The following RSF1 variants were observed in gnomAD, a reference collection of about 807,000 sequenced individuals.
The protein encoded by RSF1 is HBV pX-associated protein 8.
RSF1 carries 13 observed loss-of-function variants against 145.2 expected under a neutral mutation model. The observed-to-expected ratio is 0.09, with a 90% CI of 0.06 to 0.14. RSF1 has a LOEUF of 0.14. Ranked by LOEUF, RSF1 falls within the 10% of genes least tolerant of loss-of-function variation. RSF1 has a pLI of 1.00. For synonymous variants in RSF1, 577 were observed against 592.6 expected (o/e 0.97, Z 0.38); for missense variants, 1,517 against 1,718.2 (o/e 0.88, Z 2.07).
At chr11:77,868,357 C>CT in the RSF1 span, among the ~76,000 whole-genome samples, 13,382 of 116,764 alleles carry the variant, frequency 0.11, 1,230 homozygotes, top group African/African-American at 0.17. Context: ...GCCCAGCCGC[C>CT]TTTTTTTTTT....
chr11:77,676,584 C>A (rs1329274303), intron 13 of RSF1, among the ~76,000 whole-genome samples: 2 of 152,206 alleles, frequency 1.3e-5, no homozygotes, highest in Admixed American at 1.3e-4. Context: ...GAATGTTAAA[C>A]AACCATAAAT....
chr11:77,866,781 A>G, the RSF1 span: 1 of 152,250 alleles, frequency 6.6e-6, no homozygotes, highest in Non-Finnish European at 1.5e-5. Context: ...TATGTAAGAC[A>G]TTATTATTAC....
chr11:77,738,100 G>A (rs1242344867), intron 4 of RSF1, among the ~76,000 whole-genome samples: 1 of 152,208 alleles, frequency 6.6e-6, no homozygotes, highest in Admixed American at 6.5e-5. Context: ...CTGCACTCCC[G>A]CCTGGGCGAC....
the RSF1 span, chr11:77,841,030 G>A: frequency 1.8e-6 from 1 of 567,764 alleles, no homozygotes; most frequent in Non-Finnish European, 3.1e-6. Flanking sequence ...TCTGGAGGCT[G>A]GGAAGTCCAA....
intron 1 of RSF1, among the ~76,000 whole-genome samples, chr11:77,801,310 C>A (rs1202206646): frequency 1.3e-5 from 2 of 152,158 alleles, no homozygotes; most frequent in Middle Eastern, 3.2e-3. Context: ...TGCCTGTAGT[C>A]CCAGCTACTC....
the RSF1 span, chr11:77,868,972 A>G: frequency 7.0e-6 from 2 of 287,556 alleles, no homozygotes; most frequent in Non-Finnish European, 1.3e-5. Context: ...GTTTACAACA[A>G]TGCCAACAGC....
At chr11:77,771,218 C>T (rs910568540) in intron 1 of RSF1, among the ~76,000 whole-genome samples, 2 of 152,180 alleles carry the variant, frequency 1.3e-5, no homozygotes, top group African/African-American at 4.8e-5. Flanking sequence ...AATTTCAAAT[C>T]TAGTGAAAAG....
chr11:77,695,550 G>T (rs1221321255), intron 7 of RSF1, among the ~76,000 whole-genome samples: 1 of 152,002 alleles, frequency 6.6e-6, no homozygotes, highest in East Asian at 1.9e-4. Flanking sequence ...AGCTCTTTCA[G>T]GTTGTCTCCT....
In RSF1 at chr11:77,667,253, C is replaced by G. The variant is rs141449088; in HGVS notation, c.3990G>C (p.Leu1330=). The change falls in exon 16 of 16, where the codon CTG becomes CTC. Residue 1330 remains leucine, a synonymous_variant. Transcript: ENST00000308488. Reference sequence around the variant, plus strand: ...TCTTGGTGCTCTCTTGTTCTGAGGGCAGGACCCTAGGCTGGCTGTCACGGG... The same window carrying G: ...TCTTGGTGCTCTCTTGTTCTGAGGGGAGGACCCTAGGCTGGCTGTCACGGG... ...QPARDSQPRV[L]PSEQESTKKP... is the part of the protein sequence containing the mutation. 1.4e-4 allele frequency: 227 copies of G among 1,614,186 alleles called. No homozygotes were observed. In the African/African-American group the frequency reaches 2.9e-3, roughly 20 times the overall value.
At chr11:77,747,549 C>T (rs927772568) in intron 2 of RSF1, among the ~76,000 whole-genome samples, 1 of 152,224 alleles carries the variant, frequency 6.6e-6, no homozygotes, top group African/African-American at 2.4e-5. Context: ...CCACGCCTCT[C>T]TTGAACTCAT....
intron 1 of RSF1, among the ~76,000 whole-genome samples, chr11:77,784,952 A>G (rs1948440061): frequency 6.6e-6 from 1 of 152,250 alleles, no homozygotes; most frequent in Non-Finnish European, 1.5e-5. Context: ...TGTCTTCTGC[A>G]TAGCCCTCTT....
intron 1 of RSF1, among the ~76,000 whole-genome samples, chr11:77,798,529 C>T (rs774446739): frequency 4.1e-5 from 5 of 122,722 alleles, no homozygotes; most frequent in African/African-American, 1.2e-4. Context: ...TGCAGTGAGC[C>T]GAGATCATGC....
intron 1 of RSF1, among the ~76,000 whole-genome samples, chr11:77,811,194 T>C (rs1948727311): frequency 1.3e-5 from 2 of 152,186 alleles, no homozygotes; most frequent in African/African-American, 4.8e-5. Flanking sequence ...TTTACAAAGA[T>C]AGAGAGGACA....
intron 14 of RSF1, 43 bp from the exon 15 acceptor site, chr11:77,672,273 A>G: frequency 6.7e-7 from 1 of 1,486,360 alleles, no homozygotes; most frequent in South Asian, 1.3e-5. Context: ...ATTTAAGTCT[A>G]TTTAGAAATG....
At chr11:77,728,158 T>C (rs1961103589) in intron 4 of RSF1, among the ~76,000 whole-genome samples, 2 of 152,208 alleles carry the variant, frequency 1.3e-5, no homozygotes, top group African/African-American at 4.8e-5. Context: ...CCCTCCAAAA[T>C]ACCAGGCTTT....
In RSF1 at chr11:77,796,890, G is replaced by C. The variant is rs531113407; in HGVS notation, c.187+23638C>G. ...ACAGACAAACTGAGAGCCAAATCAT[G>C]AGTGAACTCCCATTCAAAATTGCTA... On this transcript the variant is annotated intron_variant, in intron 1 of 15. Transcript: ENST00000308488. 2.0e-5 allele frequency among the ~76,000 whole-genome samples: 3 copies of C among 152,290 alleles called. No homozygotes were observed. In the South Asian group the frequency reaches 6.2e-4, roughly 32 times the overall value.
intron 1 of RSF1, among the ~76,000 whole-genome samples, chr11:77,807,314 C>T (rs1383049980): frequency 6.6e-6 from 1 of 152,144 alleles, no homozygotes; most frequent in Non-Finnish European, 1.5e-5. Flanking sequence ...GTTATGATTT[C>T]CCCTGGCCAA....
At chr11:77,841,532 C>T in the RSF1 span, among the ~76,000 whole-genome samples, 2 of 152,124 alleles carry the variant, frequency 1.3e-5, no homozygotes, top group Admixed American at 6.5e-5. Context: ...CAGGGGAGTG[C>T]GTTCAAAGTC....
At chr11:77,744,912 T>C (rs577625126) in intron 3 of RSF1, among the ~76,000 whole-genome samples, 1 of 152,328 alleles carries the variant, frequency 6.6e-6, no homozygotes, top group East Asian at 1.9e-4. Flanking sequence ...AGAATTCAGC[T>C]GTGAAGCCAT....
Sources: allele counts gnomAD v4.1 joint callset (sites outside exome capture counted in the v4.1 genomes callset), GRCh38; gene constraint gnomAD v4.1.1; transcripts MANE v1.5; gene names NCBI Gene and HGNC (gene_info 2026-07-23, HGNC 2026-07-21).